The following ARID2 variants were observed in gnomAD, a reference collection of about 807,000 sequenced individuals.
ARID2 encodes the protein AT-rich interactive domain-containing protein 2.
ARID2 carries 32 observed loss-of-function variants against 184.6 expected under a neutral mutation model. The ratio of observed to expected loss-of-function variants is 0.17; its 90% CI spans 0.13 to 0.23. The LOEUF (loss-of-function observed/expected upper bound fraction) is 0.23, where lower values mean the gene tolerates loss of function less well. Among genes scored for constraint, ARID2 ranks in the 10% least tolerant of loss-of-function variants. The pLI, the probability that ARID2 is intolerant of heterozygous loss-of-function variation, is 1.00. For missense variants in ARID2, 1,696 were observed against 2,197.6 expected, an observed-to-expected ratio of 0.77 and a Z score of 4.56; for synonymous variants, 836 against 772.6, an observed-to-expected ratio of 1.08 and a Z score of -1.36.
At chr12:45,856,893 T>C (rs1418134510) in intron 15 of ARID2, among the ~76,000 whole-genome samples, 2 of 152,184 alleles carry the variant, frequency 1.3e-5, no homozygotes, top group African/African-American at 4.8e-5. Context: ...AATGTAATAC[T>C]TGCAAGTTGA....
At chr12:45,791,204 CTGTGTGTGTGTGTG>C (rs143314237) in intron 3 of ARID2, among the ~76,000 whole-genome samples, 1 of 147,530 alleles carries the variant, frequency 6.8e-6, no homozygotes, top group African/African-American at 2.5e-5. Flanking sequence ...AGCACATTTT[CTGTGTGTGTGTGTG>C]TGTGTGTGTG....
At chr12:45,745,942 A>G (rs1173628369) in intron 3 of ARID2, among the ~76,000 whole-genome samples, 1 of 152,162 alleles carries the variant, frequency 6.6e-6, no homozygotes, top group Non-Finnish European at 1.5e-5. Context: ...TTTTACTCGT[A>G]AAAACCTAAA....
intron 4 of ARID2, among the ~76,000 whole-genome samples, chr12:45,813,857 G>A (rs1942757272): frequency 6.6e-6 from 1 of 151,974 alleles, no homozygotes; most frequent in South Asian, 2.1e-4. Flanking sequence ...AGTACATGGT[G>A]GTTTTTATCA....
In ARID2 at chr12:45,731,283, G is replaced by A. The variant is rs367650508; in HGVS notation, c.253G>A (p.Ala85Thr). 4.3e-6 allele frequency: 7 copies of A among 1,613,862 alleles called. No homozygotes were observed. In the Admixed American group the frequency reaches 5.0e-5, roughly 12 times the overall value. The change falls in exon 3 of 21, where the codon GCT becomes ACT. Residue 85 changes from alanine (A) to threonine (T), a missense_variant. Ala to Thr is a moderately conservative substitution (Grantham distance 58, BLOSUM62 0). Coordinates refer to ENST00000334344, the MANE Select transcript of ARID2 (RefSeq NM_152641.4). ...CAACTTTCCCAGAAGTTGTTCTAACGCTGCCTTTGCTTTAAAACAGTATTA... is the reference window on the plus strand; with the variant it reads ...CAACTTTCCCAGAAGTTGTTCTAACACTGCCTTTGCTTTAAAACAGTATTA... ...EFNFPRSCSN[A>T]AFALKQYYLR...
At chr12:45,783,111 A>G (rs76291268) in intron 3 of ARID2, among the ~76,000 whole-genome samples, 3,573 of 151,932 alleles carry the variant, frequency 0.024, 68 homozygotes, top group Non-Finnish European at 0.036. Flanking sequence ...TCCACCCTGG[A>G]TGACAGAGTA....
rs1944511368 is a variant in ARID2 at position 45,905,420 on chromosome 12, A to G, written c.*342A>G. The G allele has an allele frequency of 1.7e-5, 4 of 241,028 alleles. No individual in the cohort carries two copies. In the East Asian group the frequency reaches 2.4e-4, roughly 14 times the overall value. The allele number at this position is 241,028 out of a possible 1,614,324, so 14.9% of individuals were successfully genotyped here. ...TTGGAATATACATGGAATATTGTAA[A>G]ACCTACATGAGCAGATGAAATAGAA... On this transcript the variant is annotated 3_prime_UTR_variant, in exon 21 of 21. Transcript: ENST00000334344.
At chr12:45,763,350 A>G (rs922402569) in intron 3 of ARID2, among the ~76,000 whole-genome samples, 10 of 151,914 alleles carry the variant, frequency 6.6e-5, no homozygotes, top group African/African-American at 2.4e-4. Flanking sequence ...GGCACCTGTA[A>G]TCCCAGCTAC....
At chr12:45,899,671 T>TTATATATA (rs375466100) in intron 20 of ARID2, among the ~76,000 whole-genome samples, 12 of 45,138 alleles carry the variant, frequency 2.7e-4, no homozygotes, top group South Asian at 1.8e-3. Flanking sequence ...ATATATATGG[T>TTATATATA]TATATATGGT....
rs1167133008 is a variant in ARID2, at chr12:45,851,670, G to T, written c.3547G>T (p.Ala1183Ser). 1 of 1,614,138 alleles carries T rather than the reference G, an allele frequency of 6.2e-7. No individual in the cohort carries two copies. Among genetic ancestry groups the T allele is most frequent in the Non-Finnish European group, 8.5e-7 (1 of 1,180,010 alleles). ...AACAGTTGTGCCAAATACGAGTTTT[G>T]CACCTGCAACTGTGAGTCAGGGAAA... ...TITVVPNTSF[A>S]PATVSQGNAT... is the part of the protein sequence containing the mutation. Residue 1183 changes from alanine (A) to serine (S), a missense_variant, in exon 15 of 21, where the codon GCA becomes TCA. Ala to Ser is a moderately conservative substitution (Grantham distance 99). Around this residue, in one of 11 missense-constraint regions of ARID2, gnomAD observed 428 missense variants for 409.1 expected, o/e 1.05. Transcript: ENST00000334344.
chr12:45,793,477 C>G (rs1942330847), intron 3 of ARID2, among the ~76,000 whole-genome samples: 1 of 151,408 alleles, frequency 6.6e-6, no homozygotes, highest in African/African-American at 2.4e-5. Flanking sequence ...TATCCCTTTC[C>G]CATAAATTGA....
At chr12:45,732,377 T>C (rs1049107208) in intron 3 of ARID2, among the ~76,000 whole-genome samples, 2 of 152,216 alleles carry the variant, frequency 1.3e-5, no homozygotes, top group Non-Finnish European at 2.9e-5. Flanking sequence ...GTGTACTTTC[T>C]ATTGGCTATC....
intron 3 of ARID2, among the ~76,000 whole-genome samples, chr12:45,764,565 C>A (rs1941738365): frequency 1.3e-5 from 2 of 152,188 alleles, no homozygotes; most frequent in Admixed American, 6.5e-5. Context: ...CTGTTTTATA[C>A]CCTTACAAAT....
intron 5 of ARID2, among the ~76,000 whole-genome samples, chr12:45,819,197 A>G (rs1942855108): frequency 6.6e-6 from 1 of 152,194 alleles, no homozygotes; most frequent in Non-Finnish European, 1.5e-5. Context: ...TAAATAATTT[A>G]AGTTGGGTAT....
intron 3 of ARID2, among the ~76,000 whole-genome samples, chr12:45,792,242 TTTA>T (rs1262836840): frequency 3.3e-5 from 5 of 152,322 alleles, no homozygotes; most frequent in Admixed American, 2.6e-4. Flanking sequence ...CATGTTCTAG[TTTA>T]TTATGATTAG....
intron 3 of ARID2, among the ~76,000 whole-genome samples, chr12:45,771,273 G>A (rs1221857262): frequency 2.0e-5 from 3 of 151,406 alleles, no homozygotes; most frequent in Admixed American, 6.6e-5. Context: ...CAGGAGAATC[G>A]CTTGAGCCCG....
intron 6 of ARID2, among the ~76,000 whole-genome samples, chr12:45,831,211 G>C (rs567776821): frequency 3.8e-4 from 58 of 152,186 alleles, no homozygotes; most frequent in African/African-American, 1.4e-3. Context: ...ACGATTGATT[G>C]TTGTTTTTAT....
chr12:45,776,809 G>T (rs964653140), intron 3 of ARID2, among the ~76,000 whole-genome samples: 1 of 135,046 alleles, frequency 7.4e-6, no homozygotes, highest in Admixed American at 8.0e-5. Flanking sequence ...TTTTGAGACA[G>T]TCTTGCGGGG....
At chr12:45,893,346 G>T (rs2136461828) in intron 18 of ARID2, 74 bp from the exon 19 acceptor site, 1 of 1,508,064 alleles carries the variant, frequency 6.6e-7, no homozygotes, top group African/African-American at 1.4e-5. Context: ...GGGGTTGGCA[G>T]GGTGGTCATA....
chr12:45,792,521 AG>A (rs750646857), intron 3 of ARID2, among the ~76,000 whole-genome samples: 1 of 152,208 alleles, frequency 6.6e-6, no homozygotes, highest in Non-Finnish European at 1.5e-5. Flanking sequence ...CTTTGTATAC[AG>A]TATGTCCATT....
Sources: gnomAD v4.1 joint callset for allele counts (sites outside exome capture counted in the v4.1 genomes callset) on GRCh38, gnomAD v4.1.1 for gene constraint, gnomAD v4.1.1 regional missense constraint, MANE v1.5 for transcripts, NCBI Gene and HGNC (gene_info 2026-07-23, HGNC 2026-07-21) for gene names.